Variants in USP35 observed in about 807,000 individuals in gnomAD.
USP35 encodes the protein ubiquitin specific peptidase 35.
USP35 carries 69 observed loss-of-function variants against 83.8 expected under a neutral mutation model. The observed-to-expected ratio is 0.82, with a 90% confidence interval of 0.68 to 1.01. The LOEUF (loss-of-function observed/expected upper bound fraction) is 1.01. Ranked by LOEUF, USP35 falls within the 50% of genes least tolerant of loss-of-function variation. The pLI, the probability that USP35 is intolerant of heterozygous loss-of-function variation, is 0.00. For missense variants in USP35, 1,503 were observed against 1,362.5 expected (o/e 1.10, Z -1.62); for synonymous variants, 714 against 589.5 (o/e 1.21, Z -3.06).
chr11:78,197,218 A>T (rs1166230301), intron 2 of USP35, among the ~76,000 whole-genome samples: 1 of 75,604 alleles, frequency 1.3e-5, no homozygotes, highest in Admixed American at 2.2e-4. Flanking sequence ...AGCAAGCCAC[A>T]GGATTTGGGG....
chr11:78,223,494 G>C, the USP35 span: 1 of 1,610,332 alleles, frequency 6.2e-7, no homozygotes, highest in Admixed American at 1.7e-5. Context: ...GCACAGGAAG[G>C]GTTGTTGATG....
intron 10 of USP35, among the ~76,000 whole-genome samples, chr11:78,211,129 G>T: frequency 6.6e-6 from 1 of 150,438 alleles, no homozygotes; most frequent in Non-Finnish European, 1.5e-5. Context: ...GTGGGTGTTG[G>T]TCCCCTCCCA....
At chr11:78,193,318 A>G (rs1863053164) in intron 1 of USP35, among the ~76,000 whole-genome samples, 1 of 151,634 alleles carries the variant, frequency 6.6e-6, no homozygotes, top group African/African-American at 2.4e-5. Flanking sequence ...CTCAGCCCCA[A>G]CTAGCTGGGA....
At chr11:78,195,206 C>T (rs1863108113) in intron 1 of USP35, among the ~76,000 whole-genome samples, 1 of 152,154 alleles carries the variant, frequency 6.6e-6, no homozygotes, top group Admixed American at 6.5e-5. Context: ...GCAAGAGGCC[C>T]CAGCGGATTG....
intron 3 of USP35, chr11:78,199,230 C>T: frequency 3.7e-6 from 1 of 267,998 alleles, no homozygotes; most frequent in East Asian, 8.4e-5. Flanking sequence ...GTGGCTTGCT[C>T]TGGGTCACAC....
chr11:78,215,489 G>GTGAT (rs1220339283), downstream of USP35: 5 of 152,622 alleles, frequency 3.3e-5, no homozygotes, highest in East Asian at 1.9e-4. Flanking sequence ...AATAACTTAA[G>GTGAT]TGATTAGGCA....
the USP35 span, among the ~76,000 whole-genome samples, chr11:78,232,668 T>C: frequency 3.3e-5 from 5 of 152,232 alleles, no homozygotes; most frequent in African/African-American, 4.8e-5. Context: ...GTAAAAGTGA[T>C]GATAAATACA....
At chr11:78,234,544 T>C in the USP35 span, among the ~76,000 whole-genome samples, 24 of 149,612 alleles carry the variant, frequency 1.6e-4, no homozygotes, top group Admixed American at 1.2e-3. Flanking sequence ...CCTTTCTCCA[T>C]TGGCATCTAT....
intron 4 of USP35, 26 bp downstream of exon 4, chr11:78,199,750 G>GTT: frequency 6.2e-7 from 1 of 1,614,094 alleles, no homozygotes; most frequent in Non-Finnish European, 8.5e-7. Context: ...CTAGCCCAGA[G>GTT]TTACAGCCTT....
At chr11:78,216,464 C>G (rs975364921), downstream of USP35, 1 of 152,160 alleles carries the variant, frequency 6.6e-6, no homozygotes, top group Non-Finnish European at 1.5e-5. Flanking sequence ...ATGCTAGATA[C>G]GGCTGGTAGT....
At chr11:78,207,031 G>T (rs1048352683) in intron 7 of USP35, among the ~76,000 whole-genome samples, 1 of 152,224 alleles carries the variant, frequency 6.6e-6, no homozygotes, top group African/African-American at 2.4e-5. Flanking sequence ...TAGGGGCAGG[G>T]GCCAGGGCCC....
Position 78,213,996 on chromosome 11 carries a change from T to TG in USP35, c.*187dup. 1.6e-6 allele frequency: 1 copy of TG among 625,552 alleles called. No individual in the cohort carries two copies. The highest frequency in any genetic ancestry group is 2.5e-6 in the Non-Finnish European group (1 of 408,042). The allele number at this position is 625,552 out of a possible 1,614,324, so 38.8% of individuals were successfully genotyped here. On this transcript the variant is annotated 3_prime_UTR_variant, in exon 11 of 11. Coordinates refer to ENST00000529308, the MANE Select transcript of USP35 (RefSeq NM_020798.4). ...GAAGTAAGACCTAAGTCCCTTTCAT[T>TG]GGGGATCAGTCCCATTAAAACTTTA...
Position 78,209,571 on chromosome 11 carries a change from C to A in USP35, c.1716C>A (p.Gly572=), listed in dbSNP as rs774883308. ...SSTSVEKMFG[G]KIVTRICCLC... is the part of the protein sequence containing the mutation. ...CCTCTGTGGAAAAAATGTTTGGAGG[C>A]AAGATAGTGACTCGGATCTGCTGTC... Residue 572 remains glycine (G), a synonymous_variant, in exon 10 of 11, where the codon GGC becomes GGA. Transcript: ENST00000529308. 5.6e-6 allele frequency: 9 copies of A among 1,614,036 alleles called. No homozygotes were observed. The Admixed American group carries it at 1.5e-4, about 27-fold the overall frequency.
the USP35 span, among the ~76,000 whole-genome samples, chr11:78,224,554 G>A: frequency 3.9e-5 from 6 of 152,180 alleles, no homozygotes; most frequent in Non-Finnish European, 5.9e-5. Context: ...TCTATCTGCC[G>A]TGACATACAA....
At position 78,196,411 on chromosome 11, in the gene USP35, C is replaced by G. The variant is rs1333813735; in HGVS notation, c.166C>G (p.Leu56Val). The G allele has an allele frequency of 1.5e-6, 2 of 1,316,482 alleles. No individual in the cohort carries two copies. The highest frequency in any genetic ancestry group is 1.9e-6 in the Non-Finnish European group (2 of 1,037,690). 81.6% of individuals were successfully genotyped at this position (1,316,482 alleles called of 1,614,324 possible). The change falls in exon 2 of 11, where the codon CTG (leucine) becomes GTG (valine). Residue 56 changes from leucine to valine, a missense_variant. Coordinates refer to ENST00000529308, the MANE Select transcript of USP35 (RefSeq NM_020798.4). This position sits in a 1 kb window ranked among gnomAD's most constrained non-coding sequence, Gnocchi z 4.8. ...ARLYVGGAEE[L>V]PRRVGCQLLH... ...CCTCTACGTGGGCGGCGCGGAGGAG[C>G]TGCCGCGCCGCGTGGGCTGCCAGCT... is the stretch of plus-strand genomic sequence containing the variant.
chr11:78,226,746 A>G, the USP35 span: 3 of 1,613,854 alleles, frequency 1.9e-6, no homozygotes, highest in East Asian at 4.5e-5. Flanking sequence ...GTCTACCAGG[A>G]GGTCCCCGAA....
chr11:78,210,754 G>A lies in USP35; in HGVS notation c.2889+10G>A. 6.6e-7 allele frequency: 1 copy of A among 1,523,358 alleles called. No individual in the cohort carries two copies. 94.4% of individuals were successfully genotyped at this position (1,523,358 alleles called of 1,614,324 possible). ...CATCCTTTACCTACAGGTGAGCTGA[G>A]CCGTGGGGCCTTTGATCTGATCTCT... is the stretch of plus-strand genomic sequence containing the variant. On this transcript the variant is annotated intron_variant, in intron 10 of 10. Transcript: ENST00000529308.
rs1304467090 is a variant in USP35 at position 78,210,712 on chromosome 11, G to A, written c.2857G>A (p.Ala953Thr). ...CACCCTGCACAAGGACTTGATGGAA[G>A]CCATTTCCAAAGACAACATCCTTTA... ...EPTLHKDLME[A>T]ISKDNILYLQ... Residue 953 changes from alanine to threonine, a missense_variant, in exon 10 of 11, where the codon GCC becomes ACC. Transcript: ENST00000529308. 5.1e-6 allele frequency: 8 copies of A among 1,573,438 alleles called. No homozygotes were observed. Among genetic ancestry groups the A allele is most frequent in the Admixed American group, 3.7e-5 (2 of 54,382 alleles).
rs535089879 is a variant in USP35 at position 78,200,733 on chromosome 11, G to C, written c.1122G>C (p.Ala374=). ...NSGTSCLEQL[A]ELVHCMVFRF... ...GGACCAGCTGCCTGGAGCAGCTGGCGGAGCTGGTCCACTGCATGGTGTTCC... is the reference window on the plus strand; with the variant it reads ...GGACCAGCTGCCTGGAGCAGCTGGCCGAGCTGGTCCACTGCATGGTGTTCC... The change falls in exon 6 of 11, where the codon GCG becomes GCC. Residue 374 remains alanine, a synonymous_variant. Transcript: ENST00000529308. The C allele has an allele frequency of 1.9e-6, 3 of 1,614,178 alleles. No homozygotes were observed. The highest frequency in any genetic ancestry group is 1.7e-6 in the Non-Finnish European group (2 of 1,180,016).
Sources: allele counts gnomAD v4.1 joint callset (sites outside exome capture counted in the v4.1 genomes callset), GRCh38; gene constraint gnomAD v4.1.1; non-coding constraint Gnocchi (gnomAD v3.1); transcripts MANE v1.5; gene names NCBI Gene and HGNC (gene_info 2026-07-23, HGNC 2026-07-21).